UNC79: variants seen among roughly 807,000 people sequenced by gnomAD.
UNC79 encodes unc-79 subunit of NALCN channel complex.
Under a neutral mutation model 283.1 loss-of-function variants are expected in UNC79, and 37 were observed. The ratio of observed to expected loss-of-function variants is 0.13; its 90% CI spans 0.10 to 0.17. UNC79 has a LOEUF of 0.17. Among genes scored for constraint, UNC79 ranks in the 10% least tolerant of loss-of-function variants. The pLI is 1.00. For synonymous variants in UNC79, 1,107 were observed against 1,200.2 expected (o/e 0.92, Z 1.61); for missense variants, 2,272 against 3,211.1 (o/e 0.71, Z 7.07).
intron 7 of UNC79, among the ~76,000 whole-genome samples, chr14:93,523,761 C>T (rs1268603188): frequency 6.6e-6 from 1 of 152,042 alleles, no homozygotes; most frequent in Non-Finnish European, 1.5e-5. Flanking sequence ...CTGTACATGC[C>T]ATCTTATATT....
At chr14:93,618,085 A>G (rs992285100) in intron 28 of UNC79, 107 bp from the exon 30 acceptor site, 38 of 1,193,152 alleles carry the variant, frequency 3.2e-5, no homozygotes, top group Non-Finnish European at 3.9e-5. Context: ...TCTCATATAT[A>G]TATTTATCCC....
At chr14:93,698,152 T>G (rs2075282091) in intron 47 of UNC79, among the ~76,000 whole-genome samples, 1 of 152,212 alleles carries the variant, frequency 6.6e-6, no homozygotes, top group East Asian at 1.9e-4. Flanking sequence ...CAGAATATTG[T>G]GTATCTTCAT....
chr14:93,553,982 A>G (rs2062025694), intron 14 of UNC79, among the ~76,000 whole-genome samples: 1 of 152,252 alleles, frequency 6.6e-6, no homozygotes, highest in Non-Finnish European at 1.5e-5. Context: ...TGATTAACTC[A>G]AAGATTTCTA....
intron 40 of UNC79, among the ~76,000 whole-genome samples, chr14:93,671,218 T>C (rs1341490952): frequency 6.6e-6 from 1 of 152,040 alleles, no homozygotes; most frequent in African/African-American, 2.4e-5. Flanking sequence ...TTACAGAAAG[T>C]TTAAAAATGC....
intron 26 of UNC79, chr14:93,604,914 A>G: frequency 6.3e-7 from 1 of 1,586,244 alleles, no homozygotes; most frequent in Non-Finnish European, 8.5e-7. Flanking sequence ...TTGACCAGGC[A>G]TGAGCAGTCT....
rs763816646 is a variant in UNC79 at position 93,597,501 on chromosome 14, T to C, written c.3333T>C (p.Ala1111=). Residue 1111 remains alanine, a synonymous_variant, in exon 24 of 49, where the codon GCT becomes GCC. Transcript: ENST00000555664. ...TCAACCCCGCAGTGGCTACCAGAGCTGGTCTCCTGCTTGACACCATAAAGA... is the reference window on the plus strand; with the variant it reads ...TCAACCCCGCAGTGGCTACCAGAGCCGGTCTCCTGCTTGACACCATAAAGA... 9 of 1,613,776 alleles carry C rather than the reference T, an allele frequency of 5.6e-6. No individual in the cohort carries two copies. The Admixed American group carries it at 1.5e-4, about 27-fold the overall frequency.
At chr14:93,417,493 ATGTG>A (rs2055489317) in intron 1 of UNC79, among the ~76,000 whole-genome samples, 1 of 152,004 alleles carries the variant, frequency 6.6e-6, no homozygotes, top group South Asian at 2.1e-4. Context: ...TCTGACAATT[ATGTG>A]TCTTGGAGTT....
rs762874526 is a variant in UNC79, at chr14:93,496,999, C to T, written c.769-158C>T. Among the ~76,000 whole-genome samples the T allele has an allele frequency of 1.3e-5, 2 of 152,148 alleles. 1 individual carries two copies. Among genetic ancestry groups the T allele is most frequent in the East Asian group, 3.8e-4 (2 of 5,206 alleles). ...AAATCATGAAAATATAATGTTTTGACGTGATCTAATCTATGAAACATGTCT... is the reference window on the plus strand; with the variant it reads ...AAATCATGAAAATATAATGTTTTGATGTGATCTAATCTATGAAACATGTCT... On this transcript the variant is annotated intron_variant, in intron 6 of 48. Transcript: ENST00000555664.
At chr14:93,614,536 C>A (rs2066551498) in intron 27 of UNC79, among the ~76,000 whole-genome samples, 1 of 151,510 alleles carries the variant, frequency 6.6e-6, no homozygotes. Flanking sequence ...TCAGGCTGGT[C>A]TTGAGCTCCT....
chr14:93,487,676 G>T (rs767810504), exon 5 of UNC79: 1 of 1,613,826 alleles, frequency 6.2e-7, no homozygotes, highest in Non-Finnish European at 8.5e-7. Flanking sequence ...GCTCCTCAAG[G>T]AGAGAAGGTG....
exon 36 of UNC79, chr14:93,653,847 G>T: frequency 1.9e-6 from 3 of 1,614,092 alleles, no homozygotes; most frequent in Admixed American, 1.7e-5. Context: ...TCCAAAGCAC[G>T]ATCAAAGGTA....
intron 1 of UNC79, among the ~76,000 whole-genome samples, chr14:93,412,859 C>A (rs961305964): frequency 6.6e-6 from 1 of 152,024 alleles, no homozygotes. Context: ...ATTTCATCAA[C>A]ACCAGACCTG....
chr14:93,647,703 C>T (rs1209277100), intron 35 of UNC79, among the ~76,000 whole-genome samples: 1 of 152,114 alleles, frequency 6.6e-6, no homozygotes, highest in African/African-American at 2.4e-5. Flanking sequence ...AGCAGGGAGT[C>T]ATTGGAGTGA....
intron 1 of UNC79, among the ~76,000 whole-genome samples, chr14:93,339,946 A>T (rs971740265): frequency 6.6e-6 from 1 of 152,218 alleles, no homozygotes; most frequent in Non-Finnish European, 1.5e-5. Context: ...AACGGGAAGT[A>T]ATAAGGAGAA....
rs1411230687 is a variant in UNC79, at chr14:93,500,533, A to G, written c.898+3247A>G. 2.0e-5 allele frequency among the ~76,000 whole-genome samples: 3 copies of G among 152,208 alleles called. No homozygotes were observed. The East Asian group carries it at 5.8e-4, about 29-fold the overall frequency. Reference sequence around the variant, plus strand: ...ACCGGCTGCTGGTCAGACATTGTTTAGCTGCTTATGATATTATCTAATTTT... The same window carrying G: ...ACCGGCTGCTGGTCAGACATTGTTTGGCTGCTTATGATATTATCTAATTTT... On this transcript the variant is annotated intron_variant, in intron 7 of 48. Coordinates refer to ENST00000555664, the Ensembl canonical transcript of UNC79.
intron 1 of UNC79, among the ~76,000 whole-genome samples, chr14:93,466,302 C>T (rs2057176580): frequency 6.6e-6 from 1 of 151,972 alleles, no homozygotes; most frequent in Admixed American, 6.5e-5. Context: ...AGTGATTAAC[C>T]TGGTAACTTC....
chr14:93,491,181 C>T (rs1595622369), intron 5 of UNC79, among the ~76,000 whole-genome samples: 1 of 152,172 alleles, frequency 6.6e-6, no homozygotes, highest in African/African-American at 2.4e-5. Flanking sequence ...CTAAAGGCTC[C>T]ACATCCTAAT....
At chr14:93,351,576 T>C (rs2053980737) in intron 1 of UNC79, among the ~76,000 whole-genome samples, 1 of 152,190 alleles carries the variant, frequency 6.6e-6, no homozygotes, top group Admixed American at 6.5e-5. Flanking sequence ...AGAGGGCTAA[T>C]GTTTTGTTAC....
exon 13 of UNC79, chr14:93,540,705 G>A (rs1250804296): frequency 6.2e-7 from 1 of 1,613,854 alleles, no homozygotes; most frequent in African/African-American, 1.3e-5. Flanking sequence ...GAGAACATGA[G>A]CTGAACCGGC....
Sources: gnomAD v4.1 joint callset for allele counts (sites outside exome capture counted in the v4.1 genomes callset) on GRCh38, gnomAD v4.1.1 for gene constraint, MANE v1.5 for transcripts, NCBI Gene and HGNC (gene_info 2026-07-23, HGNC 2026-07-21) for gene names.